Variants in LAMC3 observed in about 807,000 individuals in gnomAD.
The protein encoded by LAMC3 is laminin subunit gamma-3.
A neutral mutation model predicts 173.8 loss-of-function variants in LAMC3; 128 were observed. That is an observed-to-expected ratio of 0.74 (90% CI 0.64 to 0.85). The LOEUF (loss-of-function observed/expected upper bound fraction) is 0.85, where lower values mean the gene tolerates loss of function less well. LAMC3 is among the 40% of genes least tolerant of loss of function. LAMC3 has a pLI of 0.00. For missense variants in LAMC3, 2,022 were observed against 2,156.0 expected, an observed-to-expected ratio of 0.94 and a Z score of 1.23; for synonymous variants, 897 against 909.1, an observed-to-expected ratio of 0.99 and a Z score of 0.24.
chr9:131,040,387 C>T (rs1212458733), intron 6 of LAMC3, among the ~76,000 whole-genome samples: 1 of 152,076 alleles, frequency 6.6e-6, no homozygotes, highest in African/African-American at 2.4e-5. Flanking sequence ...CCATGTTGCC[C>T]AAGCTGGTCT....
intron 1 of LAMC3, among the ~76,000 whole-genome samples, chr9:131,023,253 C>T (rs1462723707): frequency 6.6e-6 from 1 of 152,128 alleles, no homozygotes; most frequent in Non-Finnish European, 1.5e-5. Context: ...GTACGTTTTG[C>T]GTGGATGTAT....
At chr9:131,066,709 C>A (rs1337389749) in intron 13 of LAMC3, among the ~76,000 whole-genome samples, 1 of 151,992 alleles carries the variant, frequency 6.6e-6, no homozygotes, top group African/African-American at 2.4e-5. Context: ...TGAATCCTCC[C>A]CACAGTCCTG....
chr9:131,048,047 ATTTTTTTT>A (rs59291636), intron 8 of LAMC3, among the ~76,000 whole-genome samples: 2 of 53,392 alleles, frequency 3.7e-5, no homozygotes, highest in Non-Finnish European at 6.3e-5. Flanking sequence ...CACCCAGCTG[ATTTTTTTT>A]TTTTTTTTTT....
intron 1 of LAMC3, among the ~76,000 whole-genome samples, chr9:131,016,125 T>C (rs563423873): frequency 1.3e-5 from 2 of 152,252 alleles, no homozygotes; most frequent in East Asian, 3.9e-4. Context: ...GAGGACATTA[T>C]GCTAAGGGAA....
At chr9:131,083,074 A>G (rs1218859537) in intron 24 of LAMC3, among the ~76,000 whole-genome samples, 3 of 152,158 alleles carry the variant, frequency 2.0e-5, no homozygotes, top group African/African-American at 7.2e-5. Flanking sequence ...TATTTAGAAA[A>G]AGGTACATTC....
chr9:131,024,590 G>A (rs922391484), intron 1 of LAMC3, among the ~76,000 whole-genome samples: 3 of 152,134 alleles, frequency 2.0e-5, no homozygotes, highest in Non-Finnish European at 4.4e-5. Flanking sequence ...ATAGAAAGCC[G>A]GCCATGGGGA....
rs766233690 is a variant in LAMC3 at position 131,079,136 on chromosome 9, T to C, written c.3778-13T>C. On this transcript the variant is annotated splice_polypyrimidine_tract_variant and intron_variant, in intron 22 of 27. Coordinates refer to ENST00000361069, the MANE Select transcript of LAMC3 (RefSeq NM_006059.4). ...CTTTCCAGGCCCTGCCTGAGCGCAT[T>C]GTCTCCCTGCAGCCTCAGAAGTCCC... is the stretch of plus-strand genomic sequence containing the variant. The C allele has an allele frequency of 1.6e-5, 26 of 1,612,046 alleles. No individual in the cohort carries two copies. The highest frequency in any genetic ancestry group is 8.9e-5 in the East Asian group (4 of 44,842).
intron 25 of LAMC3, among the ~76,000 whole-genome samples, chr9:131,086,388 TG>T (rs367889159): frequency 0.25 from 24,677 of 99,910 alleles, 2,236 homozygotes; most frequent in African/African-American, 0.37. Flanking sequence ...TAAGGGTTTT[TG>T]GTTTTGTTTT....
intron 1 of LAMC3, among the ~76,000 whole-genome samples, chr9:131,024,197 G>A (rs1406919940): frequency 6.7e-6 from 1 of 149,250 alleles, no homozygotes; most frequent in East Asian, 1.9e-4. Context: ...CCAGGCTGGA[G>A]TGCAATGGCA....
intron 1 of LAMC3, among the ~76,000 whole-genome samples, chr9:131,017,796 C>T (rs1270439182): frequency 4.7e-5 from 7 of 148,928 alleles, no homozygotes; most frequent in South Asian, 2.1e-4. Flanking sequence ...GAGGCTGAGG[C>T]GGGCGGATCA....
At chr9:131,032,557 G>GCTCTCTCTCTCTTGCTCTCTCTCGCT (rs58169839) in intron 3 of LAMC3, among the ~76,000 whole-genome samples, 3 of 132,104 alleles carry the variant, frequency 2.3e-5, no homozygotes, top group African/African-American at 8.7e-5. Context: ...GCTCTCTCTC[G>GCTCTCTCTCTCTTGCTCTCTCTCGCT]CTCTCTCTCT....
At chr9:131,035,513 G>A (rs1252633135) in intron 3 of LAMC3, among the ~76,000 whole-genome samples, 1 of 152,114 alleles carries the variant, frequency 6.6e-6, no homozygotes, top group Non-Finnish European at 1.5e-5. Flanking sequence ...GGGGGAGGGT[G>A]CTAAACCATT....
intron 8 of LAMC3, among the ~76,000 whole-genome samples, chr9:131,047,122 C>T (rs1834180989): frequency 6.7e-6 from 1 of 148,526 alleles, no homozygotes; most frequent in African/African-American, 2.5e-5. Context: ...TCACAGTTGC[C>T]CTTGCGCAGG....
At chr9:131,059,195 C>CA (rs1338023835) in intron 12 of LAMC3, among the ~76,000 whole-genome samples, 2 of 121,664 alleles carry the variant, frequency 1.6e-5, no homozygotes, top group Non-Finnish European at 3.4e-5. Flanking sequence ...GACTCCATCT[C>CA]AAAAAAATAA....
intron 1 of LAMC3, among the ~76,000 whole-genome samples, chr9:131,012,047 G>T (rs1049674083): frequency 9.6e-6 from 1 of 103,912 alleles, no homozygotes; most frequent in South Asian, 3.6e-4. Context: ...TGTAGAGAGC[G>T]AACACACACA....
chr9:131,032,556 CGCTCTCTCTCTTGCTCTCTCTCGCTT>C (rs1222489777), intron 3 of LAMC3, among the ~76,000 whole-genome samples: 1 of 123,896 alleles, frequency 8.1e-6, no homozygotes, highest in African/African-American at 5.3e-5. Flanking sequence ...TGCTCTCTCT[CGCTCTCTCTCTTGCTCTCTCTCGCTT>C]GCTCTCTTTC....
At chr9:131,032,300 G>A (rs1833839530) in intron 3 of LAMC3, 125 bp downstream of exon 3, 7 of 840,022 alleles carry the variant, frequency 8.3e-6, no homozygotes, top group Non-Finnish European at 1.4e-5. Context: ...GGAGAGGGAG[G>A]GAGCACCTGC....
chr9:131,059,583 A>G (rs1829768206), intron 12 of LAMC3, among the ~76,000 whole-genome samples: 1 of 144,600 alleles, frequency 6.9e-6, no homozygotes, highest in African/African-American at 2.5e-5. Context: ...CATACAGGGC[A>G]CTCTGTCTTC....
At position 131,026,391 on chromosome 9, in the gene LAMC3, C is replaced by T. The variant is rs140728983; in HGVS notation, c.480C>T (p.Tyr160=). 1,301 of 1,614,134 alleles carry T rather than the reference C, an allele frequency of 8.1e-4. 3 individuals are homozygous for T. Among genetic ancestry groups the T allele is most frequent in the Non-Finnish European group, 1.0e-3 (1,180 of 1,180,040 alleles). ...RSRADGPWEP[Y]QFYSASCQKT... is the part of the protein sequence containing the mutation. ...GCGCCGACGGCCCATGGGAGCCCTACCAGTTCTACAGCGCCTCCTGCCAGA... is the reference window on the plus strand; with the variant it reads ...GCGCCGACGGCCCATGGGAGCCCTATCAGTTCTACAGCGCCTCCTGCCAGA... Residue 160 remains tyrosine (Y), a synonymous_variant, in exon 2 of 28, where the codon TAC becomes TAT. Coordinates refer to ENST00000361069, the MANE Select transcript of LAMC3 (RefSeq NM_006059.4). This position sits in a 1 kb window ranked among gnomAD's most constrained non-coding sequence, Gnocchi z 4.8.
Sources: gnomAD v4.1 joint callset for allele counts (sites outside exome capture counted in the v4.1 genomes callset) on GRCh38, gnomAD v4.1.1 for gene constraint, Gnocchi (gnomAD v3.1) non-coding constraint, MANE v1.5 for transcripts, NCBI Gene and HGNC (gene_info 2026-07-23, HGNC 2026-07-21) for gene names.